The following SND1 variants were observed in gnomAD, a reference collection of about 807,000 sequenced individuals.
The protein encoded by SND1 is staphylococcal nuclease domain-containing protein 1.
A neutral mutation model predicts 121.7 loss-of-function variants in SND1; 38 were observed. The observed-to-expected ratio is 0.31, with a 90% CI of 0.24 to 0.41. SND1 has a LOEUF of 0.41. SND1 is among the 10% of genes least tolerant of loss of function. The pLI is 1.00. For synonymous variants in SND1, 401 were observed against 447.4 expected, an observed-to-expected ratio of 0.90 and a Z score of 1.31; for missense variants, 868 against 1,184.6, an observed-to-expected ratio of 0.73 and a Z score of 3.92.
chr7:127,755,389 C>T (rs531500590), intron 10 of SND1, among the ~76,000 whole-genome samples: 60 of 152,254 alleles, frequency 3.9e-4, no homozygotes, highest in Non-Finnish European at 8.1e-4. Context: ...TCCCTCTTTG[C>T]TGGAGAAGAA....
intron 8 of SND1, among the ~76,000 whole-genome samples, chr7:127,706,051 G>A (rs1396213151): frequency 6.6e-6 from 1 of 152,146 alleles, no homozygotes; most frequent in Non-Finnish European, 1.5e-5. Flanking sequence ...GAAAAGAACA[G>A]TGATTGCTTA....
chr7:127,923,773 A>G (rs1800767818), intron 14 of SND1, among the ~76,000 whole-genome samples: 6 of 152,192 alleles, frequency 3.9e-5, no homozygotes, highest in Admixed American at 3.9e-4. Flanking sequence ...CCAGAAAAAC[A>G]TAGATAACGA....
At chr7:127,887,407 T>C (rs1004074542) in intron 12 of SND1, among the ~76,000 whole-genome samples, 3 of 152,148 alleles carry the variant, frequency 2.0e-5, no homozygotes. Context: ...GGAGTTCTTA[T>C]AAGAGAAACA....
At chr7:128,062,751 C>T (rs1313339092) in intron 16 of SND1, among the ~76,000 whole-genome samples, 4 of 152,170 alleles carry the variant, frequency 2.6e-5, no homozygotes, top group Non-Finnish European at 4.4e-5. Flanking sequence ...ACACTCCTGT[C>T]TTATCCTGGC....
intron 14 of SND1, among the ~76,000 whole-genome samples, chr7:127,914,992 C>T (rs1800543164): frequency 6.6e-6 from 1 of 152,078 alleles, no homozygotes; most frequent in African/African-American, 2.4e-5. Flanking sequence ...AAGAGCTCAA[C>T]AGAGAGCAGT....
intron 16 of SND1, among the ~76,000 whole-genome samples, chr7:128,005,791 A>C (rs1802959739): frequency 6.6e-6 from 1 of 152,112 alleles, no homozygotes; most frequent in Non-Finnish European, 1.5e-5. Flanking sequence ...GGCTTGCTTT[A>C]TTTGAGGAGC....
intron 15 of SND1, among the ~76,000 whole-genome samples, chr7:127,956,693 C>G (rs17151567): frequency 0.059 from 8,947 of 152,270 alleles, 777 homozygotes; most frequent in African/African-American, 0.19. Context: ...CACATTATCT[C>G]TTAGTTATCC....
chr7:128,045,274 C>T (rs1792926915), intron 16 of SND1, among the ~76,000 whole-genome samples: 1 of 152,196 alleles, frequency 6.6e-6, no homozygotes, highest in African/African-American at 2.4e-5. Flanking sequence ...TCCTCCCCAC[C>T]CCACCCAGTG....
At chr7:127,975,424 CGTGTGTG>C (rs1802094912) in intron 15 of SND1, among the ~76,000 whole-genome samples, 1 of 147,454 alleles carries the variant, frequency 6.8e-6, no homozygotes, top group African/African-American at 2.5e-5. Flanking sequence ...TGACTCCCCT[CGTGTGTG>C]TGTGTGTGTG....
intron 2 of SND1, 134 bp downstream of exon 2, chr7:127,686,896 G>T: frequency 2.0e-6 from 2 of 995,656 alleles, no homozygotes; most frequent in Non-Finnish European, 2.9e-6. Flanking sequence ...GCTGATTCTG[G>T]ATGTGCCCAC....
chr7:127,902,210 A>G (rs73721029), intron 13 of SND1, among the ~76,000 whole-genome samples: 2,479 of 152,296 alleles, frequency 0.016, 90 homozygotes, highest in African/African-American at 0.056. Flanking sequence ...CAGCCCCAGG[A>G]AAGGCCACAA....
chr7:128,050,586 G>T (rs1255897867), intron 16 of SND1, among the ~76,000 whole-genome samples: 2 of 152,136 alleles, frequency 1.3e-5, no homozygotes, highest in East Asian at 3.9e-4. Flanking sequence ...CAGCAATTTT[G>T]CCATTGGAGC....
rs374576579 is a variant in SND1 at position 127,686,755 on chromosome 7, C to T, written c.221C>T (p.Pro74Leu). ...ACACAACCTGATGCAAAGGATACCC[C>T]TGATGAGGTAGGTGTTTCCTGAGGC... Reference protein sequence around the residue: ...AATQPDAKDTPDEPWAFPARE... With the variant: ...AATQPDAKDTLDEPWAFPARE... Residue 74 changes from proline to leucine, a missense_variant, in exon 2 of 24, where the codon CCT (proline) becomes CTT (leucine). Around this residue, in one of 2 missense-constraint regions of SND1, gnomAD observed 125 missense variants for 113.3 expected, o/e 1.10. Coordinates refer to ENST00000354725, the MANE Select transcript of SND1 (RefSeq NM_014390.4). 1.7e-5 allele frequency: 28 copies of T among 1,613,496 alleles called. No homozygotes were observed. The highest frequency in any genetic ancestry group is 2.2e-5 in the Non-Finnish European group (26 of 1,179,474).
chr7:127,984,980 G>A (rs1466384522), intron 15 of SND1, among the ~76,000 whole-genome samples: 1 of 152,206 alleles, frequency 6.6e-6, no homozygotes, highest in Non-Finnish European at 1.5e-5. Flanking sequence ...TCAAATTCCA[G>A]AAGGAGACTC....
chr7:127,707,513 A>T, intron 8 of SND1, 44 bp from the exon 9 acceptor site: 1 of 1,544,178 alleles, frequency 6.5e-7, no homozygotes, highest in Non-Finnish European at 9.0e-7. Flanking sequence ...GGTGGATTCC[A>T]TTTGCTGAGT....
chr7:127,984,615 G>A (rs1802344017), intron 15 of SND1, among the ~76,000 whole-genome samples: 2 of 152,214 alleles, frequency 1.3e-5, no homozygotes, highest in African/African-American at 2.4e-5. Flanking sequence ...GCCACTGTGT[G>A]CTACATAGTA....
At chr7:127,809,179 C>A (rs1012224521) in intron 11 of SND1, among the ~76,000 whole-genome samples, 4 of 152,316 alleles carry the variant, frequency 2.6e-5, no homozygotes, top group Non-Finnish European at 5.9e-5. Context: ...GGACTAACCT[C>A]CAGTGTCAGA....
At chr7:127,901,516 G>A (rs1800231254) in intron 13 of SND1, among the ~76,000 whole-genome samples, 1 of 152,142 alleles carries the variant, frequency 6.6e-6, no homozygotes, top group Admixed American at 6.6e-5. Context: ...CCTCTGCACA[G>A]GGAAAGGAGA....
intron 12 of SND1, 123 bp from the exon 13 acceptor site, chr7:127,887,778 AC>A (rs1799939817): frequency 3.3e-6 from 2 of 603,504 alleles, no homozygotes; most frequent in Non-Finnish European, 5.9e-6. Flanking sequence ...AGGTCTTGAA[AC>A]CTTGGCTTCT....
Sources: gnomAD v4.1 joint callset for allele counts (sites outside exome capture counted in the v4.1 genomes callset) on GRCh38, gnomAD v4.1.1 for gene constraint, gnomAD v4.1.1 regional missense constraint, MANE v1.5 for transcripts, NCBI Gene and HGNC (gene_info 2026-07-23, HGNC 2026-07-21) for gene names.